Variants in PITPNC1 observed in about 807,000 individuals in gnomAD.
PITPNC1 encodes phosphatidylinositol transfer protein cytoplasmic 1, also known as cytoplasmic phosphatidylinositol transfer protein 1.
In PITPNC1, 18 loss-of-function variants were observed where a neutral mutation model predicts 44.7. That is an observed-to-expected ratio of 0.40 (90% confidence interval 0.28 to 0.60). The LOEUF (loss-of-function observed/expected upper bound fraction) is 0.60. Ranked by LOEUF, PITPNC1 falls within the 20% of genes least tolerant of loss-of-function variation. The pLI, the probability that PITPNC1 is intolerant of heterozygous loss-of-function variation, is 0.39. For missense variants in PITPNC1, 290 were observed against 418.4 expected (o/e 0.69, Z 2.68); for synonymous variants, 141 against 149.6 (o/e 0.94, Z 0.42).
In PITPNC1 at chr17:67,695,632, A is replaced by AT. The variant is rs56762993; in HGVS notation, c.*2744_*2745insT. 25 of 144,800 alleles carry AT rather than the reference A, an allele frequency of 1.7e-4. No homozygotes were observed. Among genetic ancestry groups the AT allele is most frequent in the African/African-American group, 4.4e-4 (17 of 38,988 alleles). The allele number at this position is 144,800 out of a possible 1,614,324, so 9.0% of individuals were successfully genotyped here. ...TATATATATATATATATATATATAT[A>AT]AATATAAATATAGTATAGTGAATCA... On this transcript the variant is annotated 3_prime_UTR_variant, in exon 9 of 9. Coordinates refer to ENST00000581322, the MANE Select transcript of PITPNC1 (RefSeq NM_012417.4).
intron 8 of PITPNC1, among the ~76,000 whole-genome samples, chr17:67,685,577 T>C (rs2042799647): frequency 6.6e-6 from 1 of 150,482 alleles, no homozygotes; most frequent in Non-Finnish European, 1.5e-5. Flanking sequence ...CTAAGCCAAT[T>C]AGTGGTCAGG....
chr17:67,425,206 CACACACACACACACA>C (rs1567984781), intron 1 of PITPNC1, among the ~76,000 whole-genome samples: 4 of 25,478 alleles, frequency 1.6e-4, no homozygotes, highest in African/African-American at 1.3e-3. Context: ...CGCACACGCA[CACACACACACACACA>C]CACACACACA....
In PITPNC1 at chr17:67,695,823, T is replaced by C. The variant is rs2043002009; in HGVS notation, c.*2935T>C. ...TCAAATGTGAAGTGCCCCTGTGCAT[T>C]TTCTTGGCCATAGCACGGCATTCTT... On this transcript the variant is annotated 3_prime_UTR_variant, in exon 9 of 9. Transcript: ENST00000581322. The C allele has an allele frequency of 6.6e-6, 1 of 152,118 alleles. No homozygotes were observed. The highest frequency in any genetic ancestry group is 2.1e-4 in the South Asian group (1 of 4,822). 9.4% of individuals were successfully genotyped at this position (152,118 alleles called of 1,614,324 possible).
At chr17:67,545,299 G>T (rs2040662960) in intron 2 of PITPNC1, among the ~76,000 whole-genome samples, 1 of 149,988 alleles carries the variant, frequency 6.7e-6, no homozygotes, top group Non-Finnish European at 1.5e-5. Flanking sequence ...GTGACAAAGT[G>T]AGACCCTGCT....
At chr17:67,595,637 G>C (rs1454122983) in intron 5 of PITPNC1, among the ~76,000 whole-genome samples, 1 of 152,110 alleles carries the variant, frequency 6.6e-6, no homozygotes, top group East Asian at 1.9e-4. Context: ...CAGTGTGTCA[G>C]CTGTTGCCCA....
chr17:67,658,794 A>G (rs2042304053), intron 6 of PITPNC1, among the ~76,000 whole-genome samples: 1 of 150,844 alleles, frequency 6.6e-6, no homozygotes, highest in Admixed American at 6.6e-5. Context: ...TTACTTACTC[A>G]GTTGCTTACC....
At chr17:67,416,462 C>A (rs546998912) in intron 1 of PITPNC1, among the ~76,000 whole-genome samples, 1 of 151,960 alleles carries the variant, frequency 6.6e-6, no homozygotes, top group African/African-American at 2.4e-5. Flanking sequence ...ATGATCCTCC[C>A]GCCTCAGCCT....
intron 5 of PITPNC1, among the ~76,000 whole-genome samples, chr17:67,622,471 G>C (rs2041845138): frequency 6.8e-6 from 1 of 146,644 alleles, no homozygotes; most frequent in African/African-American, 2.5e-5. Flanking sequence ...TTCTCAGTGA[G>C]ATGACCCATA....
chr17:67,469,940 T>G (rs1365100847), intron 1 of PITPNC1, among the ~76,000 whole-genome samples: 1 of 152,146 alleles, frequency 6.6e-6, no homozygotes, highest in African/African-American at 2.4e-5. Flanking sequence ...AATTTTTTTT[T>G]GAGACAGAAT....
At chr17:67,598,315 A>G (rs1205120108) in intron 5 of PITPNC1, among the ~76,000 whole-genome samples, 1 of 152,228 alleles carries the variant, frequency 6.6e-6, no homozygotes, top group African/African-American at 2.4e-5. Context: ...GTTAGGATGG[A>G]GCAATTAGCT....
chr17:67,501,973 A>G (rs892420249), intron 1 of PITPNC1, among the ~76,000 whole-genome samples: 14 of 152,218 alleles, frequency 9.2e-5, no homozygotes, highest in Admixed American at 8.5e-4. Flanking sequence ...ACACTGACCT[A>G]TTAGTGAGTA....
chr17:67,561,682 G>A (rs547725748), intron 4 of PITPNC1, among the ~76,000 whole-genome samples: 4 of 152,332 alleles, frequency 2.6e-5, no homozygotes, highest in East Asian at 1.9e-4. Context: ...AAGGCTTGCC[G>A]TCTGAAAGTT....
At chr17:67,686,711 C>T (rs2042823116) in intron 8 of PITPNC1, among the ~76,000 whole-genome samples, 1 of 152,126 alleles carries the variant, frequency 6.6e-6, no homozygotes, top group Non-Finnish European at 1.5e-5. Context: ...TTAAACCAAG[C>T]AAAACTGACC....
At chr17:67,605,602 G>T (rs1298154208) in intron 5 of PITPNC1, among the ~76,000 whole-genome samples, 1 of 152,286 alleles carries the variant, frequency 6.6e-6, no homozygotes. Context: ...TATGTTAGTT[G>T]TAAGTAAAAA....
At chr17:67,425,369 C>G (rs574529868) in intron 1 of PITPNC1, among the ~76,000 whole-genome samples, 3 of 151,942 alleles carry the variant, frequency 2.0e-5, no homozygotes, top group Non-Finnish European at 2.9e-5. Flanking sequence ...GTCCTAAACC[C>G]TTGCTATGGG....
At chr17:67,471,327 TGG>T (rs1345671766) in intron 1 of PITPNC1, among the ~76,000 whole-genome samples, 2 of 151,532 alleles carry the variant, frequency 1.3e-5, no homozygotes, top group Non-Finnish European at 2.9e-5. Context: ...TTCCCCTGAA[TGG>T]ATATACCACA....
At chr17:67,438,902 T>A (rs2038974262) in intron 1 of PITPNC1, among the ~76,000 whole-genome samples, 1 of 152,202 alleles carries the variant, frequency 6.6e-6, no homozygotes, top group African/African-American at 2.4e-5. Context: ...ATCCACCTGC[T>A]TTGCTCCCAT....
intron 5 of PITPNC1, among the ~76,000 whole-genome samples, chr17:67,581,671 C>T (rs1170516888): frequency 6.6e-6 from 1 of 152,168 alleles, no homozygotes; most frequent in Non-Finnish European, 1.5e-5. Flanking sequence ...AATTTGCCCT[C>T]CTCTGTTTTA....
At chr17:67,492,325 G>T (rs1300435171) in intron 1 of PITPNC1, among the ~76,000 whole-genome samples, 1 of 152,144 alleles carries the variant, frequency 6.6e-6, no homozygotes, top group Non-Finnish European at 1.5e-5. Flanking sequence ...AATGACAAGT[G>T]TCCTTACAAG....
Sources: allele counts gnomAD v4.1 joint callset (sites outside exome capture counted in the v4.1 genomes callset), GRCh38; gene constraint gnomAD v4.1.1; transcripts MANE v1.5; gene names NCBI Gene and HGNC (gene_info 2026-07-23, HGNC 2026-07-21).